The following CNTNAP3 variants were observed in gnomAD, a reference collection of about 807,000 sequenced individuals.
CNTNAP3 encodes contactin associated protein family member 3, also known as contactin-associated protein-like 3.
A neutral mutation model predicts 92.1 loss-of-function variants in CNTNAP3; 36 were observed. That is an observed-to-expected ratio of 0.39 (90% CI 0.30 to 0.52). The LOEUF is 0.52. CNTNAP3 is among the 20% of genes least tolerant of loss of function. The pLI is 0.76. For synonymous variants in CNTNAP3, 232 were observed against 422.3 expected, an observed-to-expected ratio of 0.55 and a Z score of 5.53; for missense variants, 534 against 1,069.6, an observed-to-expected ratio of 0.50 and a Z score of 6.98.
intron 14 of CNTNAP3, among the ~76,000 whole-genome samples, chr9:39,114,268 T>A (rs1379947074): frequency 6.6e-6 from 1 of 151,788 alleles, no homozygotes; most frequent in Non-Finnish European, 1.5e-5. Context: ...GTATTTTTAG[T>A]AGAGACGGGG....
intron 13 of CNTNAP3, among the ~76,000 whole-genome samples, chr9:39,125,916 G>A (rs1821143874): frequency 1.3e-5 from 2 of 152,126 alleles, no homozygotes; most frequent in Non-Finnish European, 1.5e-5. Context: ...ATGAGTAAGT[G>A]ACAGACTCAG....
chr9:39,103,832 G>A lies in CNTNAP3; in HGVS notation c.2448C>T (p.Asp816=), dbSNP rs780612729. Residue 816 remains aspartate (D), a synonymous_variant, in exon 16 of 24, where the codon GAC becomes GAT. Coordinates refer to ENST00000297668, the MANE Select transcript of CNTNAP3 (RefSeq NM_033655.5). The stretch of plus-strand genomic sequence containing the variant: ...CTGTGGTCTTAAAAAAGAAGCACAC[G>A]TCAGCAGTGAGTTCTCCGTGGAAAG... The part of the protein sequence containing the change: ...FPAFHGELTA[D]VCFFFKTTVS... The A allele has an allele frequency of 3.0e-5, 48 of 1,610,982 alleles. No homozygotes were observed. Among genetic ancestry groups the A allele is most frequent in the African/African-American group, 1.1e-4 (8 of 74,834 alleles).
intron 21 of CNTNAP3, among the ~76,000 whole-genome samples, chr9:39,081,933 A>C (rs1447477747): frequency 1.3e-5 from 2 of 151,598 alleles, no homozygotes; most frequent in Non-Finnish European, 2.9e-5. Flanking sequence ...AAAAAAAAAA[A>C]AAAATTAGCC....
chr9:39,118,172 G>C lies in CNTNAP3; in HGVS notation c.2168C>G (p.Thr723Ser), dbSNP rs757341542. ...AATGCAGTTCCCCTCTAATCCACAA[G>C]TACACTTTTGAGCATCAGGCAGAGA... ...GGSLPDAQKCTCGLEGNCIDS... is the reference protein window; with the variant it reads ...GGSLPDAQKCSCGLEGNCIDS... The change falls in exon 14 of 24, where the codon ACT (threonine) becomes AGT (serine). Residue 723 changes from threonine (T) to serine (S), a missense_variant. Physicochemically the swap from Thr to Ser is moderately conservative, Grantham distance 58 (BLOSUM62 1). Coordinates refer to ENST00000297668, the MANE Select transcript of CNTNAP3 (RefSeq NM_033655.5). 1 of 1,611,660 alleles carries C rather than the reference G, an allele frequency of 6.2e-7. No individual in the cohort carries two copies. The highest frequency in any genetic ancestry group is 1.1e-5 in the South Asian group (1 of 90,906).
chr9:39,141,147 C>T (rs1454571276), intron 11 of CNTNAP3, among the ~76,000 whole-genome samples: 6 of 152,244 alleles, frequency 3.9e-5, no homozygotes, highest in East Asian at 1.9e-4. Flanking sequence ...CTGAATTCTG[C>T]GTGCTATTGA....
chr9:39,135,551 T>A, intron 12 of CNTNAP3, among the ~76,000 whole-genome samples: 1 of 152,204 alleles, frequency 6.6e-6, no homozygotes, highest in East Asian at 1.9e-4. Context: ...CTTTGAAAAT[T>A]AAGCTAATTT....
intron 11 of CNTNAP3, among the ~76,000 whole-genome samples, chr9:39,143,692 A>C (rs1821630495): frequency 6.6e-6 from 1 of 152,202 alleles, no homozygotes; most frequent in Non-Finnish European, 1.5e-5. Context: ...CCACCAAAGA[A>C]AATCACAGTC....
intron 13 of CNTNAP3, among the ~76,000 whole-genome samples, chr9:39,125,705 T>A (rs1174248366): frequency 1.3e-5 from 2 of 152,014 alleles, no homozygotes; most frequent in Non-Finnish European, 2.9e-5. Flanking sequence ...CAAAGCCAAC[T>A]GCAGAGCAAG....
chr9:39,146,722 T>A (rs1357113886), intron 10 of CNTNAP3, among the ~76,000 whole-genome samples: 6 of 149,308 alleles, frequency 4.0e-5, no homozygotes, highest in Non-Finnish European at 7.5e-5. Flanking sequence ...CAAACACCTA[T>A]CCAAACATAA....
At chr9:39,133,563 G>C (rs1001178148) in intron 12 of CNTNAP3, among the ~76,000 whole-genome samples, 3 of 151,760 alleles carry the variant, frequency 2.0e-5, no homozygotes, top group African/African-American at 7.3e-5. Flanking sequence ...ACGATGTGAC[G>C]CACATACTCA....
At chr9:39,126,846 T>C (rs1224086702) in intron 13 of CNTNAP3, among the ~76,000 whole-genome samples, 1 of 152,032 alleles carries the variant, frequency 6.6e-6, no homozygotes, top group Non-Finnish European at 1.5e-5. Context: ...CTGACAGAAC[T>C]ACTGGACAAG....
At chr9:39,114,009 TACAC>T (rs762455359) in intron 14 of CNTNAP3, among the ~76,000 whole-genome samples, 1 of 142,644 alleles carries the variant, frequency 7.0e-6, no homozygotes, top group Non-Finnish European at 1.5e-5. Flanking sequence ...CACATATATA[TACAC>T]ACATATATAT....
intron 14 of CNTNAP3, among the ~76,000 whole-genome samples, chr9:39,112,186 A>C (rs1826764137): frequency 6.6e-6 from 1 of 151,364 alleles, no homozygotes; most frequent in Non-Finnish European, 1.5e-5. Flanking sequence ...ATTTTATTAA[A>C]ATTTTTATTT....
At chr9:39,099,539 C>T in intron 18 of CNTNAP3, among the ~76,000 whole-genome samples, 1 of 152,006 alleles carries the variant, frequency 6.6e-6, no homozygotes, top group Non-Finnish European at 1.5e-5. Context: ...AACAGAGAGG[C>T]TTGAATAGCA....
intron 10 of CNTNAP3, 142 bp from the exon 11 acceptor site, chr9:39,144,488 G>T: frequency 7.6e-7 from 1 of 1,312,166 alleles, no homozygotes; most frequent in Admixed American, 3.0e-5. Context: ...TGATTACTGG[G>T]TCTGCCATCA....
intron 21 of CNTNAP3, among the ~76,000 whole-genome samples, chr9:39,083,800 C>G (rs1826003921): frequency 6.6e-6 from 1 of 151,728 alleles, no homozygotes; most frequent in Non-Finnish European, 1.5e-5. Context: ...TGTCTGCATT[C>G]TTTAAAGCTA....
Position 39,238,554 on chromosome 9 carries a change from A to AAAC in CNTNAP3, c.390+438_390+439insGTT, listed in dbSNP as rs1822746055. Among the ~76,000 whole-genome samples the AAAC allele has an allele frequency of 4.0e-4, 2 of 5,040 alleles. 1 individual carries two copies. The highest frequency in any genetic ancestry group is 4.2e-4 in the African/African-American group (2 of 4,730). 3.3% of individuals were successfully genotyped at this position (5,040 alleles called of 152,430 possible). A position where few individuals can be genotyped will look rare whatever the true frequency, so the allele number is the denominator to read the frequency against. On this transcript the variant is annotated intron_variant, in intron 3 of 23. Transcript: ENST00000297668. ...AAATAAAAAAAAAACAAAAAACAAAAAAAAAAAAAACAAGAAAAACTAAAT... is the reference window on the plus strand; with the variant it reads ...AAATAAAAAAAAAACAAAAAACAAAAAACAAAAAAAAAACAAGAAAAACTAAAT...
In CNTNAP3 at chr9:39,161,693, AAT is replaced by A. The variant is rs1364828276; in HGVS notation, c.1477+4238_1477+4239del. Among the ~76,000 whole-genome samples, 25 of 136,162 alleles carry A rather than the reference AAT, an allele frequency of 1.8e-4. 1 individual carries two copies. Among genetic ancestry groups the A allele is most frequent in the African/African-American group, 4.8e-4 (17 of 35,756 alleles). The allele number at this position is 136,162 out of a possible 152,430, so 89.3% of individuals were successfully genotyped here. ...TAATAATAATAATAATAATAATAAT[AAT>A]AAATTAGCTGGATGTGGTGGCACGT... is the stretch of plus-strand genomic sequence containing the variant. On this transcript the variant is annotated intron_variant, in intron 9 of 23. Coordinates refer to ENST00000297668, the MANE Select transcript of CNTNAP3 (RefSeq NM_033655.5).
At chr9:39,109,924 T>A (rs184263700) in intron 14 of CNTNAP3, among the ~76,000 whole-genome samples, 2 of 152,182 alleles carry the variant, frequency 1.3e-5, no homozygotes, top group Non-Finnish European at 2.9e-5. Context: ...AGAATATTAA[T>A]TTATCATTAT....
Sources: gnomAD v4.1 joint callset for allele counts (sites outside exome capture counted in the v4.1 genomes callset) on GRCh38, gnomAD v4.1.1 for gene constraint, MANE v1.5 for transcripts, NCBI Gene and HGNC (gene_info 2026-07-23, HGNC 2026-07-21) for gene names.